HTR1F: variants seen among roughly 807,000 people sequenced by gnomAD.
The protein encoded by HTR1F is 5-hydroxytryptamine (serotonin) receptor 1F, G protein-coupled.
In HTR1F, 17 loss-of-function variants were observed where a neutral mutation model predicts 24.0. The ratio of observed to expected loss-of-function variants is 0.71; its 90% CI spans 0.48 to 1.06. The LOEUF (loss-of-function observed/expected upper bound fraction) is 1.06. Among genes scored for constraint, HTR1F ranks in the 50% least tolerant of loss-of-function variants. The pLI, the probability that HTR1F is intolerant of heterozygous loss-of-function variation, is 0.00. For synonymous variants in HTR1F, 186 were observed against 156.8 expected, an observed-to-expected ratio of 1.19 and a Z score of -1.39; for missense variants, 391 against 427.8, an observed-to-expected ratio of 0.91 and a Z score of 0.76.
At chr3:87,961,159 A>T (rs1705052404) in intron 2 of HTR1F, among the ~76,000 whole-genome samples, 2 of 151,970 alleles carry the variant, frequency 1.3e-5, no homozygotes, top group African/African-American at 4.8e-5. Flanking sequence ...TTTACCCAGG[A>T]TTTCCCAATT....
At chr3:87,898,798 G>A (rs1391647379) in intron 2 of HTR1F, among the ~76,000 whole-genome samples, 1 of 151,772 alleles carries the variant, frequency 6.6e-6, no homozygotes, top group Non-Finnish European at 1.5e-5. Flanking sequence ...ATTCCTATAA[G>A]AAATGTTGCT....
intron 2 of HTR1F, among the ~76,000 whole-genome samples, chr3:87,922,269 G>C (rs1704026721): frequency 2.0e-5 from 3 of 151,762 alleles, no homozygotes; most frequent in African/African-American, 4.8e-5. Flanking sequence ...GCATTTTCCT[G>C]ATTAATGATG....
intron 2 of HTR1F, among the ~76,000 whole-genome samples, chr3:87,839,370 G>A (rs999682862): frequency 1.9e-4 from 29 of 152,004 alleles, no homozygotes; most frequent in African/African-American, 7.0e-4. Context: ...TATCAAAAAT[G>A]TATGGATTTA....
intron 1 of HTR1F, among the ~76,000 whole-genome samples, chr3:87,794,982 C>CTTTTTTTT (rs57368229): frequency 1.1e-5 from 1 of 90,414 alleles, no homozygotes; most frequent in African/African-American, 4.5e-5. Flanking sequence ...TTATGACTGA[C>CTTTTTTTT]TTTTTTTTTT....
At chr3:87,854,542 G>A (rs947536488) in intron 2 of HTR1F, among the ~76,000 whole-genome samples, 1 of 151,876 alleles carries the variant, frequency 6.6e-6, no homozygotes, top group Non-Finnish European at 1.5e-5. Context: ...TCATTCTGAT[G>A]TGAAAGATTA....
At position 87,991,806 on chromosome 3, in the gene HTR1F, G is replaced by A; in HGVS notation, c.1057G>A (p.Asp353Asn). Residue 353 changes from aspartate (D) to asparagine (N), a missense_variant, in exon 3 of 3, where the codon GAC (aspartate) becomes AAC (asparagine). By Grantham distance (23) the Asp-to-Asn change is conservative. Transcript: ENST00000319595. ...NPLIYTIFNE[D>N]FKKAFQKLVR... ...ACTGATTTACACAATCTTTAATGAA[G>A]ACTTCAAGAAAGCATTCCAAAAGCT... 4.4e-6 allele frequency: 7 copies of A among 1,599,152 alleles called. No individual in the cohort carries two copies. The highest frequency in any genetic ancestry group is 5.1e-6 in the Non-Finnish European group (6 of 1,173,908).
chr3:87,969,216 A>C (rs1415760631), intron 2 of HTR1F, among the ~76,000 whole-genome samples: 1 of 152,218 alleles, frequency 6.6e-6, no homozygotes, highest in Non-Finnish European at 1.5e-5. Flanking sequence ...GGCACTGCCT[A>C]GTGGAGCTGT....
intron 2 of HTR1F, among the ~76,000 whole-genome samples, chr3:87,837,200 G>T (rs186646870): frequency 1.1e-4 from 17 of 152,046 alleles, no homozygotes; most frequent in Admixed American, 9.8e-4. Flanking sequence ...TAATAAAGAA[G>T]AAAAGGAATT....
chr3:87,885,792 A>G lies in HTR1F; in HGVS notation c.-43+63668A>G, dbSNP rs550820269. The stretch of plus-strand genomic sequence containing the variant: ...ACACCCTCCCAAGACTAAACCAGGA[A>G]GAAGTTGAATCTCTGAATACACCAA... On this transcript the variant is annotated intron_variant, in intron 2 of 2. Transcript: ENST00000319595. Among the ~76,000 whole-genome samples, 43 of 152,318 alleles carry G rather than the reference A, an allele frequency of 2.8e-4. 1 individual carries two copies. The South Asian group carries it at 7.7e-3, about 27-fold the overall frequency.
chr3:87,974,672 T>C (rs928320612), intron 2 of HTR1F, among the ~76,000 whole-genome samples: 10 of 152,212 alleles, frequency 6.6e-5, no homozygotes, highest in Admixed American at 6.5e-4. Flanking sequence ...CATTTTTATA[T>C]CCAGAGTGCC....
At chr3:87,819,702 C>T (rs1251339742) in intron 1 of HTR1F, among the ~76,000 whole-genome samples, 1 of 151,738 alleles carries the variant, frequency 6.6e-6, no homozygotes, top group Non-Finnish European at 1.5e-5. Context: ...ACCAGTATCT[C>T]CATCATGCCA....
In HTR1F at chr3:87,816,555, C is replaced by T. The variant is rs1439994198; in HGVS notation, c.-159-5453C>T. 2.0e-5 allele frequency among the ~76,000 whole-genome samples: 3 copies of T among 152,054 alleles called. No individual in the cohort carries two copies. The East Asian group carries it at 5.8e-4, about 29-fold the overall frequency. ...TTCTGATTTTCTCAACTCAGAAGTA[C>T]TTAACAATCACATTCTCATTAAAAT... On this transcript the variant is annotated intron_variant, in intron 1 of 2. Transcript: ENST00000319595.
chr3:87,830,857 T>C (rs1226036524), intron 2 of HTR1F, among the ~76,000 whole-genome samples: 1 of 152,198 alleles, frequency 6.6e-6, no homozygotes, highest in East Asian at 1.9e-4. Flanking sequence ...TGAAAATCAG[T>C]ATTACTGAAA....
At chr3:87,943,915 G>A (rs200313511) in intron 2 of HTR1F, among the ~76,000 whole-genome samples, 1 of 141,632 alleles carries the variant, frequency 7.1e-6, no homozygotes, top group Non-Finnish European at 1.6e-5. Context: ...TTTTGCCTTG[G>A]GGGGAACATT....
Position 87,846,018 on chromosome 3 carries a change from A to G in HTR1F, c.-43+23894A>G, listed in dbSNP as rs555868723. ...TTTGATGGCACACTCACTATGTGCT[A>G]GCCATCTTCTAGGGCTAGGGATAAG... On this transcript the variant is annotated intron_variant, in intron 2 of 2. Transcript: ENST00000319595. Among the ~76,000 whole-genome samples the G allele has an allele frequency of 4.6e-5, 7 of 152,124 alleles. No homozygotes were observed. In the South Asian group the frequency reaches 1.0e-3, roughly 22 times the overall value.
chr3:87,897,446 C>G (rs1237849995), intron 2 of HTR1F, among the ~76,000 whole-genome samples: 1 of 151,956 alleles, frequency 6.6e-6, no homozygotes, highest in Non-Finnish European at 1.5e-5. Context: ...GCAACCTTGT[C>G]AGATAAGAGG....
chr3:87,915,307 C>T (rs1454887641), intron 2 of HTR1F, among the ~76,000 whole-genome samples: 3 of 152,066 alleles, frequency 2.0e-5, no homozygotes, highest in African/African-American at 2.4e-5. Context: ...TAACACCCCC[C>T]AAAAAATCAC....
chr3:87,886,464 C>A (rs765022335), intron 2 of HTR1F, among the ~76,000 whole-genome samples: 1 of 152,120 alleles, frequency 6.6e-6, no homozygotes, highest in Non-Finnish European at 1.5e-5. Context: ...CACTCCTATG[C>A]AACATAGTGT....
intron 1 of HTR1F, among the ~76,000 whole-genome samples, chr3:87,802,639 G>A (rs550726154): frequency 3.3e-5 from 5 of 152,112 alleles, no homozygotes; most frequent in African/African-American, 7.2e-5. Flanking sequence ...ATGAGCCACC[G>A]CTCCTGGCTT....
Sources: gnomAD v4.1 joint callset for allele counts (sites outside exome capture counted in the v4.1 genomes callset) on GRCh38, gnomAD v4.1.1 for gene constraint, MANE v1.5 for transcripts, NCBI Gene and HGNC (gene_info 2026-07-23, HGNC 2026-07-21) for gene names.